SFI1: variants seen among roughly 807,000 people sequenced by gnomAD.
SFI1 encodes the protein SFI1 centrin binding protein, also known as protein SFI1 homolog.
A neutral mutation model predicts 207.5 loss-of-function variants in SFI1; 195 were observed. The observed-to-expected ratio is 0.94, with a 90% CI of 0.84 to 1.06. The LOEUF (loss-of-function observed/expected upper bound fraction) is 1.06. Among genes scored for constraint, SFI1 ranks in the 50% least tolerant of loss-of-function variants. SFI1 has a pLI of 0.00. For missense variants in SFI1, 1,634 were observed against 1,588.0 expected (o/e 1.03, Z -0.49); for synonymous variants, 630 against 598.9 (o/e 1.05, Z -0.76).
intron 6 of SFI1, among the ~76,000 whole-genome samples, chr22:31,551,035 T>C (rs1212767699): frequency 6.6e-6 from 1 of 152,148 alleles, no homozygotes; most frequent in East Asian, 1.9e-4. Context: ...ACTTACCTAA[T>C]CTTTTAAGAA....
intron 8 of SFI1, among the ~76,000 whole-genome samples, chr22:31,571,958 C>T (rs1044702457): frequency 4.0e-5 from 6 of 151,534 alleles, no homozygotes; most frequent in South Asian, 4.2e-4. Context: ...TTTCAAAAAT[C>T]TATAGAGAGT....
intron 11 of SFI1, 119 bp from the exon 12 acceptor site, chr22:31,580,153 G>A (rs2063939101): frequency 8.6e-6 from 6 of 694,080 alleles, no homozygotes; most frequent in Non-Finnish European, 1.2e-5. Context: ...ACAGCTACAA[G>A]AAGCTGTGAC....
At chr22:31,526,703 G>A (rs888043853) in intron 2 of SFI1, among the ~76,000 whole-genome samples, 2 of 151,766 alleles carry the variant, frequency 1.3e-5, no homozygotes, top group African/African-American at 4.8e-5. Flanking sequence ...CTACAGGCGT[G>A]TGCCACCACA....
Position 31,546,869 on chromosome 22 carries a change from A to C in SFI1, c.347A>C (p.Tyr116Ser), listed in dbSNP as rs775548328. Reference protein sequence around the residue: ...RVFPSKARFYYEQRLLRKVFE... With the variant: ...RVFPSKARFYSEQRLLRKVFE... ...TTTTTTTTTTGCCGTAGATTTTACT[A>C]TGAGCAGCGATTACTACGGAAGGTC... Residue 116 changes from tyrosine (Y) to serine (S), a missense_variant, in exon 5 of 33, where the codon TAT (tyrosine) becomes TCT (serine). Physicochemically the swap from Tyr to Ser is moderately radical, Grantham distance 144 (BLOSUM62 -2). Coordinates refer to ENST00000400288, the MANE Select transcript of SFI1 (RefSeq NM_001007467.3). 1.3e-6 allele frequency: 2 copies of C among 1,598,306 alleles called. No individual in the cohort carries two copies. Among genetic ancestry groups the C allele is most frequent in the South Asian group, 1.1e-5 (1 of 87,466 alleles).
At chr22:31,582,553 A>G (rs1343202509) in intron 12 of SFI1, among the ~76,000 whole-genome samples, 1 of 151,852 alleles carries the variant, frequency 6.6e-6, no homozygotes, top group Non-Finnish European at 1.5e-5. Context: ...CACCCGGCCT[A>G]TTATATTTTT....
chr22:31,576,684 A>G (rs964528499), intron 10 of SFI1, among the ~76,000 whole-genome samples: 16 of 148,716 alleles, frequency 1.1e-4, no homozygotes, highest in African/African-American at 4.0e-4. Context: ...TTGTAGCCCA[A>G]GCTGGAGTGC....
At chr22:31,571,338 G>A (rs551261227) in intron 8 of SFI1, among the ~76,000 whole-genome samples, 3 of 152,012 alleles carry the variant, frequency 2.0e-5, no homozygotes, top group South Asian at 4.2e-4. Context: ...TTTGAGACAG[G>A]GTCTCACTCT....
intron 2 of SFI1, among the ~76,000 whole-genome samples, chr22:31,519,525 C>T (rs2056952555): frequency 6.6e-6 from 1 of 151,966 alleles, no homozygotes; most frequent in Admixed American, 6.6e-5. Flanking sequence ...CAACATCTGC[C>T]TCGTGGGTTC....
At chr22:31,525,250 T>A (rs930172109) in intron 2 of SFI1, among the ~76,000 whole-genome samples, 2 of 152,222 alleles carry the variant, frequency 1.3e-5, no homozygotes, top group Non-Finnish European at 2.9e-5. Flanking sequence ...TTTGAAGTAT[T>A]TCTTCTCGTA....
chr22:31,559,910 T>C, intron 7 of SFI1: 1 of 633,194 alleles, frequency 1.6e-6, no homozygotes, highest in South Asian at 1.5e-5. Context: ...CCACCATGGC[T>C]GTACCATGGG....
At chr22:31,497,324 C>G (rs938256977) in intron 1 of SFI1, 1 of 152,200 alleles carries the variant, frequency 6.6e-6, no homozygotes, top group Non-Finnish European at 1.5e-5. Flanking sequence ...ACAGCATGTG[C>G]CCACTTCCTG....
At chr22:31,515,106 T>C (rs1014182534) in intron 2 of SFI1, among the ~76,000 whole-genome samples, 2 of 152,102 alleles carry the variant, frequency 1.3e-5, no homozygotes, top group Non-Finnish European at 2.9e-5. Context: ...AAGTGATGGT[T>C]ATGCTGTTGG....
At chr22:31,575,759 C>T (rs572511520) in intron 10 of SFI1, among the ~76,000 whole-genome samples, 4 of 152,246 alleles carry the variant, frequency 2.6e-5, no homozygotes, top group Admixed American at 2.0e-4. Flanking sequence ...TTTCTCTACC[C>T]ACTAGGTGGT....
intron 8 of SFI1, among the ~76,000 whole-genome samples, chr22:31,565,543 A>AAG (rs1396133198): frequency 6.6e-6 from 1 of 151,664 alleles, no homozygotes; most frequent in East Asian, 1.9e-4. Context: ...CAAAAAAAAA[A>AAG]AAAAAATTAG....
At chr22:31,600,391 T>G (rs929581843) in intron 15 of SFI1, among the ~76,000 whole-genome samples, 120 of 152,268 alleles carry the variant, frequency 7.9e-4, no homozygotes, top group Non-Finnish European at 1.7e-3. Context: ...TCAACTGGGG[T>G]TGAACGATCT....
Position 31,543,056 on chromosome 22 carries a change from C to T in SFI1, c.339-3805C>T, listed in dbSNP as rs147027627. Among the ~76,000 whole-genome samples, 1,050 of 151,490 alleles carry T rather than the reference C, an allele frequency of 6.9e-3. 20 individuals carry two copies. Among genetic ancestry groups the T allele is most frequent in the African/African-American group, 0.023 (941 of 41,296 alleles). On this transcript the variant is annotated intron_variant, in intron 4 of 32. Transcript: ENST00000400288. Reference sequence around the variant, plus strand: ...GCGCATCTCGGCTCACTGCAAGCTCCGCCTCCCAGGTTCACGCCATTCTCC... The same window carrying T: ...GCGCATCTCGGCTCACTGCAAGCTCTGCCTCCCAGGTTCACGCCATTCTCC...
intron 10 of SFI1, among the ~76,000 whole-genome samples, chr22:31,576,245 G>A (rs1422920745): frequency 6.6e-6 from 1 of 151,602 alleles, no homozygotes; most frequent in Non-Finnish European, 1.5e-5. Context: ...GGCTGGTCTC[G>A]AACTCTTGAC....
rs530389597 is a variant in SFI1, at chr22:31,605,042, G to T, written c.2054+97G>T. 2.0e-5 allele frequency: 21 copies of T among 1,074,418 alleles called. No homozygotes were observed. In the African/African-American group the frequency reaches 3.2e-4, roughly 17 times the overall value. 66.6% of individuals were successfully genotyped at this position (1,074,418 alleles called of 1,614,324 possible). ...GGGGTCCTGCTGAGGGCCAGGTCGG[G>T]GATGATCCCGGGTTCCTAGTCGCTA... On this transcript the variant is annotated intron_variant, in intron 20 of 32. Transcript: ENST00000400288.
intron 4 of SFI1, among the ~76,000 whole-genome samples, chr22:31,545,529 TG>T (rs2059984416): frequency 1.3e-5 from 2 of 151,690 alleles, no homozygotes; most frequent in Non-Finnish European, 2.9e-5. Flanking sequence ...TCTTATTTTT[TG>T]GGTAGAGATG....
Sources: allele counts gnomAD v4.1 joint callset (sites outside exome capture counted in the v4.1 genomes callset), GRCh38; gene constraint gnomAD v4.1.1; transcripts MANE v1.5; gene names NCBI Gene and HGNC (gene_info 2026-07-23, HGNC 2026-07-21).